The following PDGFC variants were observed in gnomAD, a reference collection of about 807,000 sequenced individuals.
PDGFC encodes platelet derived growth factor C, also known as platelet-derived growth factor C.
In PDGFC, 12 loss-of-function variants were observed where a neutral mutation model predicts 35.5. The ratio of observed to expected loss-of-function variants is 0.34; its 90% CI spans 0.22 to 0.55. The LOEUF (loss-of-function observed/expected upper bound fraction) is 0.55, where lower values mean the gene tolerates loss of function less well. PDGFC is among the 20% of genes least tolerant of loss of function. PDGFC has a pLI of 0.91. For synonymous variants in PDGFC, 159 were observed against 148.8 expected (o/e 1.07, Z -0.50); for missense variants, 322 against 412.4 (o/e 0.78, Z 1.90).
At position 156,787,124 on chromosome 4, in the gene PDGFC, G is replaced by C. The variant is rs1447255092; in HGVS notation, c.496-14231C>G. Among the ~76,000 whole-genome samples the C allele has an allele frequency of 2.0e-5, 3 of 152,186 alleles. No homozygotes were observed. The East Asian group carries it at 5.8e-4, about 29-fold the overall frequency. The stretch of plus-strand genomic sequence containing the variant: ...TGTCAAATGAATGTTATTAGGAAGA[G>C]GTGCCATGGTTATAAAGTGATCTCT... On this transcript the variant is annotated intron_variant, in intron 3 of 5. Coordinates refer to ENST00000502773, the MANE Select transcript of PDGFC (RefSeq NM_016205.3).
intron 1 of PDGFC, among the ~76,000 whole-genome samples, chr4:156,861,140 C>T (rs146827591): frequency 3.2e-4 from 48 of 151,962 alleles, no homozygotes; most frequent in Middle Eastern, 3.4e-3. Context: ...GACATTTTTG[C>T]GGTTTAAAGA....
chr4:156,862,616 A>C (rs573536898), intron 1 of PDGFC, among the ~76,000 whole-genome samples: 2 of 152,322 alleles, frequency 1.3e-5, no homozygotes, highest in Admixed American at 1.3e-4. Flanking sequence ...AATCCAAAAA[A>C]CACCAATGTT....
At position 156,891,687 on chromosome 4, in the gene PDGFC, T is replaced by G. The variant is rs375986816; in HGVS notation, c.119-41271A>C. ...TTAACCTTTCAGCAAACTTTTACAGTGTTCAGATAAATAACATTAAGTACA... is the reference window on the plus strand; with the variant it reads ...TTAACCTTTCAGCAAACTTTTACAGGGTTCAGATAAATAACATTAAGTACA... On this transcript the variant is annotated intron_variant, in intron 1 of 5. Coordinates refer to ENST00000502773, the MANE Select transcript of PDGFC (RefSeq NM_016205.3). 9.7e-5 allele frequency among the ~76,000 whole-genome samples: 12 copies of G among 123,630 alleles called. No homozygotes were observed. The East Asian group carries it at 2.9e-3, about 30-fold the overall frequency. 81.1% of individuals were successfully genotyped at this position (123,630 alleles called of 152,430 possible).
intron 1 of PDGFC, among the ~76,000 whole-genome samples, chr4:156,861,720 A>G (rs1729713976): frequency 6.6e-6 from 1 of 152,144 alleles, no homozygotes; most frequent in Non-Finnish European, 1.5e-5. Flanking sequence ...AAAAAATAAA[A>G]GAAAGAGCAT....
At chr4:156,838,889 G>A (rs1729131272) in intron 2 of PDGFC, among the ~76,000 whole-genome samples, 1 of 152,124 alleles carries the variant, frequency 6.6e-6, no homozygotes, top group Non-Finnish European at 1.5e-5. Context: ...AAGTCCGGAG[G>A]AGTCAAAGGA....
At chr4:156,923,852 T>C (rs1731345666) in intron 1 of PDGFC, among the ~76,000 whole-genome samples, 1 of 151,924 alleles carries the variant, frequency 6.6e-6, no homozygotes, top group Non-Finnish European at 1.5e-5. Context: ...ATGCAGCTCA[T>C]AGTGCTGAAA....
At chr4:156,818,310 C>A (rs186703184) in intron 2 of PDGFC, among the ~76,000 whole-genome samples, 209 of 151,838 alleles carry the variant, frequency 1.4e-3, no homozygotes, top group African/African-American at 4.7e-3. Flanking sequence ...CTATTGGAAC[C>A]ATTTTTTTCT....
intron 2 of PDGFC, among the ~76,000 whole-genome samples, chr4:156,824,333 C>CATACACAT (rs1560827592): frequency 1.2e-5 from 1 of 84,864 alleles, no homozygotes; most frequent in African/African-American, 7.2e-5. Flanking sequence ...TATATACACA[C>CATACACAT]ACACACACAC....
chr4:156,958,579 G>A (rs1190850547), intron 1 of PDGFC, among the ~76,000 whole-genome samples: 1 of 151,984 alleles, frequency 6.6e-6, no homozygotes, highest in Non-Finnish European at 1.5e-5. Context: ...TTTGACAGAA[G>A]TTACAGAATG....
At chr4:156,867,777 T>C (rs1729880732) in intron 1 of PDGFC, among the ~76,000 whole-genome samples, 1 of 152,182 alleles carries the variant, frequency 6.6e-6, no homozygotes, top group Admixed American at 6.5e-5. Flanking sequence ...ACTGAAAATA[T>C]GAAACCCCAA....
chr4:156,902,867 A>C (rs1052955281), intron 1 of PDGFC, among the ~76,000 whole-genome samples: 2 of 152,072 alleles, frequency 1.3e-5, no homozygotes, highest in Non-Finnish European at 2.9e-5. Flanking sequence ...TTTCTTTTTT[A>C]CGTCCCTGTA....
intron 2 of PDGFC, among the ~76,000 whole-genome samples, chr4:156,820,215 A>C (rs932148761): frequency 6.6e-6 from 1 of 152,218 alleles, no homozygotes; most frequent in Non-Finnish European, 1.5e-5. Context: ...CCATAAACTT[A>C]GTTGATAGAG....
At chr4:156,770,359 T>C (rs774883563) in intron 4 of PDGFC, 1 of 152,084 alleles carries the variant, frequency 6.6e-6, no homozygotes, top group Non-Finnish European at 1.5e-5. Flanking sequence ...AACTAAGGAT[T>C]TTAAATTTGG....
At chr4:156,848,366 A>C (rs1397307716) in intron 2 of PDGFC, among the ~76,000 whole-genome samples, 2 of 151,986 alleles carry the variant, frequency 1.3e-5, no homozygotes, top group African/African-American at 2.4e-5. Flanking sequence ...TACCTAGTAA[A>C]GCTGAAAATA....
At chr4:156,875,280 C>A (rs1216740292) in intron 1 of PDGFC, among the ~76,000 whole-genome samples, 1 of 152,030 alleles carries the variant, frequency 6.6e-6, no homozygotes, top group South Asian at 2.1e-4. Context: ...TATGATGTCA[C>A]CATATGGAAC....
intron 3 of PDGFC, among the ~76,000 whole-genome samples, chr4:156,790,259 T>G (rs1156469142): frequency 6.6e-6 from 1 of 152,196 alleles, no homozygotes; most frequent in African/African-American, 2.4e-5. Flanking sequence ...GCATGCATTA[T>G]TAGCAATGGT....
chr4:156,931,070 G>C (rs1439217855), intron 1 of PDGFC, among the ~76,000 whole-genome samples: 1 of 152,028 alleles, frequency 6.6e-6, no homozygotes, highest in Admixed American at 6.6e-5. Flanking sequence ...ATGGAGGGTA[G>C]CCAGCCAAGT....
intron 2 of PDGFC, among the ~76,000 whole-genome samples, chr4:156,818,516 G>GTTTTTTTT (rs35714916): frequency 1.3e-4 from 13 of 98,890 alleles, no homozygotes; most frequent in Non-Finnish European, 1.5e-4. Context: ...CTTTCTAGCT[G>GTTTTTTTT]TTTTTTTTTT....
At chr4:156,906,951 C>T (rs1730928857) in intron 1 of PDGFC, among the ~76,000 whole-genome samples, 1 of 152,144 alleles carries the variant, frequency 6.6e-6, no homozygotes, top group Admixed American at 6.5e-5. Flanking sequence ...CACTGATGAA[C>T]TAACATGGAT....
Sources: gnomAD v4.1 joint callset for allele counts (sites outside exome capture counted in the v4.1 genomes callset) on GRCh38, gnomAD v4.1.1 for gene constraint, MANE v1.5 for transcripts, NCBI Gene and HGNC (gene_info 2026-07-23, HGNC 2026-07-21) for gene names.